The following SLC35F2 variants were observed in gnomAD, a reference collection of about 807,000 sequenced individuals.
SLC35F2 encodes solute carrier family 35 member F2, also known as queuine/queuosine transporter SLC35F2.
Under a neutral mutation model 38.1 loss-of-function variants are expected in SLC35F2, and 25 were observed. That is an observed-to-expected ratio of 0.66 (90% CI 0.48 to 0.92). The LOEUF (loss-of-function observed/expected upper bound fraction) is 0.92. Ranked by LOEUF, SLC35F2 falls within the 40% of genes least tolerant of loss-of-function variation. The pLI is 0.00. For missense variants in SLC35F2, 409 were observed against 452.9 expected, an observed-to-expected ratio of 0.90 and a Z score of 0.88; for synonymous variants, 173 against 181.7, an observed-to-expected ratio of 0.95 and a Z score of 0.38.
Position 107,858,742 on chromosome 11 carries a change from G to C in SLC35F2, c.26C>G (p.Pro9Arg), listed in dbSNP as rs760639802. Residue 9 changes from proline (P) to arginine (R), a missense_variant, in exon 1 of 8, where the codon CCC (proline) becomes CGC (arginine). Coordinates refer to ENST00000525815, the MANE Select transcript of SLC35F2 (RefSeq NM_017515.5). Reference sequence around the variant, plus strand: ...CTCCGCGAGGGGCTCTGGGGCGCCGGGGCCCGCTGGCGAGTCTGCCTCCAT... The same window carrying C: ...CTCCGCGAGGGGCTCTGGGGCGCCGCGGCCCGCTGGCGAGTCTGCCTCCAT... MEADSPAG[P>R]GAPEPLAEGA... 7.8e-7 allele frequency: 1 copy of C among 1,279,210 alleles called. No homozygotes were observed. The highest frequency in any genetic ancestry group is 1.0e-6 in the Non-Finnish European group (1 of 1,004,970). The allele number at this position is 1,279,210 out of a possible 1,614,324, so 79.2% of individuals were successfully genotyped here. A position where few individuals can be genotyped will look rare whatever the true frequency, so the allele number is the denominator to read the frequency against.
chr11:107,827,016 T>C (rs116824263), intron 1 of SLC35F2, among the ~76,000 whole-genome samples: 1,893 of 152,266 alleles, frequency 0.012, 58 homozygotes, highest in African/African-American at 0.044. Context: ...TATATACATA[T>C]TGATATATGA....
chr11:107,809,851 G>A lies in SLC35F2; in HGVS notation c.414+1816C>T, dbSNP rs906813622. The A allele has an allele frequency of 4.1e-6, 4 of 985,054 alleles. No homozygotes were observed. The Admixed American group carries it at 2.5e-4, about 61-fold the overall frequency. 61.0% of individuals were successfully genotyped at this position (985,054 alleles called of 1,614,324 possible). ...TAACCTTTGACAATGAGGGGAGCAG[G>A]CTTCAAAAAGGACTGCATTCTAGGA... is the stretch of plus-strand genomic sequence containing the variant. On this transcript the variant is annotated intron_variant, in intron 3 of 7. Coordinates refer to ENST00000525815, the MANE Select transcript of SLC35F2 (RefSeq NM_017515.5).
chr11:107,842,774 C>T (rs1378527654), intron 1 of SLC35F2, among the ~76,000 whole-genome samples: 2 of 152,174 alleles, frequency 1.3e-5, no homozygotes, highest in Non-Finnish European at 2.9e-5. Context: ...TATAAACCAG[C>T]AATTCTGCTT....
intron 1 of SLC35F2, among the ~76,000 whole-genome samples, chr11:107,817,135 G>C (rs1374738087): frequency 6.6e-6 from 1 of 152,052 alleles, no homozygotes; most frequent in Admixed American, 6.5e-5. Flanking sequence ...CATTAGCGGG[G>C]TGTGGTGGCA....
chr11:107,817,617 G>A (rs1222975736), intron 1 of SLC35F2, among the ~76,000 whole-genome samples: 1 of 151,978 alleles, frequency 6.6e-6, no homozygotes, highest in Non-Finnish European at 1.5e-5. Flanking sequence ...ATGGCCTACA[G>A]GCAACCCACC....
chr11:107,818,273 A>C (rs1048780065), intron 1 of SLC35F2, among the ~76,000 whole-genome samples: 2 of 152,096 alleles, frequency 1.3e-5, no homozygotes, highest in Non-Finnish European at 2.9e-5. Context: ...TCTACTAAAA[A>C]CACAATAATT....
At chr11:107,795,129 T>C (rs1342123139) in intron 7 of SLC35F2, among the ~76,000 whole-genome samples, 2 of 152,180 alleles carry the variant, frequency 1.3e-5, no homozygotes, top group South Asian at 2.1e-4. Context: ...AAGCAATCTA[T>C]AAATTCAGTG....
intron 1 of SLC35F2, among the ~76,000 whole-genome samples, chr11:107,831,824 G>A (rs749325854): frequency 1.9e-4 from 29 of 152,156 alleles, no homozygotes; most frequent in Non-Finnish European, 1.5e-4. Context: ...TCCAGACAAA[G>A]AGAACTGGAA....
At chr11:107,851,819 A>C (rs1860191706) in intron 1 of SLC35F2, among the ~76,000 whole-genome samples, 1 of 152,292 alleles carries the variant, frequency 6.6e-6, no homozygotes, top group South Asian at 2.1e-4. Context: ...AGACTCGTAG[A>C]ATCCAGAGTT....
chr11:107,844,884 G>A (rs1337256104), intron 1 of SLC35F2, among the ~76,000 whole-genome samples: 1 of 145,600 alleles, frequency 6.9e-6, no homozygotes, highest in African/African-American at 2.6e-5. Flanking sequence ...GCTAAGGCAG[G>A]AGAATGGCGT....
At chr11:107,857,591 T>C (rs982194054) in intron 1 of SLC35F2, among the ~76,000 whole-genome samples, 10 of 152,204 alleles carry the variant, frequency 6.6e-5, no homozygotes, top group African/African-American at 2.4e-4. Context: ...AAACTATTTA[T>C]ATGATAAAAA....
chr11:107,855,212 A>T (rs1326668801), intron 1 of SLC35F2, among the ~76,000 whole-genome samples: 1 of 152,186 alleles, frequency 6.6e-6, no homozygotes, highest in Non-Finnish European at 1.5e-5. Context: ...AAAGACCAAT[A>T]AAGGGAAGAG....
intron 1 of SLC35F2, among the ~76,000 whole-genome samples, chr11:107,851,490 A>T (rs2442685): frequency 5.0e-3 from 11 of 2,190 alleles, no homozygotes; most frequent in African/African-American, 0.012. Context: ...AAAATAAATT[A>T]AAAAAAAAAA....
In SLC35F2 at chr11:107,811,772, G is replaced by T. The variant is rs1448024673; in HGVS notation, c.309C>A (p.Ile103=). Residue 103 remains isoleucine, a synonymous_variant, in exon 3 of 8, where the codon ATC becomes ATA. Transcript: ENST00000525815. ...FRSGSDNLLV[I]LKRKWWKYIL... Reference sequence around the variant, plus strand: ...TGTACTTCCACCATTTTCTTTTCAAGATTACTAAAAGGTTATCACTGCCTG... The same window carrying T: ...TGTACTTCCACCATTTTCTTTTCAATATTACTAAAAGGTTATCACTGCCTG... 8 of 1,613,902 alleles carry T rather than the reference G, an allele frequency of 5.0e-6. No individual in the cohort carries two copies. Among genetic ancestry groups the T allele is most frequent in the Non-Finnish European group, 5.9e-6 (7 of 1,179,858 alleles).
At chr11:107,834,061 T>C (rs1287725464) in intron 1 of SLC35F2, among the ~76,000 whole-genome samples, 1 of 152,178 alleles carries the variant, frequency 6.6e-6, no homozygotes, top group East Asian at 1.9e-4. Context: ...TCATACATTG[T>C]TTGTTTCAGT....
At chr11:107,793,056 A>G (rs1859158609) in intron 7 of SLC35F2, 1 of 322,860 alleles carries the variant, frequency 3.1e-6, no homozygotes. Flanking sequence ...AGCTGACACC[A>G]CAGGCACTCA....
rs1324644765 is a variant in SLC35F2, at chr11:107,843,859, AAAAAAAAAAATATATATATATATAT to A, written c.110+14774_110+14798del. Among the ~76,000 whole-genome samples the A allele has an allele frequency of 7.1e-3, 274 of 38,794 alleles. 6 individuals carry two copies. In the East Asian group the frequency reaches 0.075, roughly 11 times the overall value. The allele number at this position is 38,794 out of a possible 152,430, so 25.5% of individuals were successfully genotyped here. A position where few individuals can be genotyped will look rare whatever the true frequency, so the allele number is the denominator to read the frequency against. On this transcript the variant is annotated intron_variant, in intron 1 of 7. Transcript: ENST00000525815. The stretch of plus-strand genomic sequence containing the variant: ...GACTCTGTATCTTAAAAAAAAAAAA[AAAAAAAAAAATATATATATATATAT>A]ATATATATATATATATATATATATG...
At chr11:107,842,539 T>A (rs984743361) in intron 1 of SLC35F2, among the ~76,000 whole-genome samples, 5 of 151,676 alleles carry the variant, frequency 3.3e-5, no homozygotes, top group African/African-American at 9.7e-5. Flanking sequence ...TAAAATTTTT[T>A]AATACCGCCT....
intron 1 of SLC35F2, among the ~76,000 whole-genome samples, chr11:107,841,803 C>T (rs1359832728): frequency 2.6e-5 from 4 of 152,040 alleles, no homozygotes. Context: ...AAAACCCTGT[C>T]TCTACTAAAA....
Sources: allele counts gnomAD v4.1 joint callset (sites outside exome capture counted in the v4.1 genomes callset), GRCh38; gene constraint gnomAD v4.1.1; transcripts MANE v1.5; gene names NCBI Gene and HGNC (gene_info 2026-07-23, HGNC 2026-07-21).